The following SGCG variants were observed in gnomAD, a reference collection of about 807,000 sequenced individuals.
SGCG encodes the protein gamma-sarcoglycan.
A neutral mutation model predicts 29.3 loss-of-function variants in SGCG; 26 were observed. The observed-to-expected ratio is 0.89, with a 90% CI of 0.65 to 1.23. The LOEUF is 1.23. SGCG is among the 50% of genes most tolerant of loss of function. SGCG has a pLI of 0.00. For missense variants in SGCG, 353 were observed against 356.0 expected (o/e 0.99, Z 0.07); for synonymous variants, 145 against 129.7 (o/e 1.12, Z -0.80).
At chr13:23,258,693 A>G (rs969000201) in intron 4 of SGCG, among the ~76,000 whole-genome samples, 9 of 152,180 alleles carry the variant, frequency 5.9e-5, no homozygotes, top group Non-Finnish European at 1.2e-4. Flanking sequence ...TTTGTCATAA[A>G]TAGCTCTTAT....
the SGCG span, among the ~76,000 whole-genome samples, chr13:23,174,072 A>G: frequency 1.3e-5 from 2 of 152,196 alleles, no homozygotes; most frequent in African/African-American, 4.8e-5. Flanking sequence ...TTCAGACACC[A>G]AAAGTGTCAG....
intron 7 of SGCG, among the ~76,000 whole-genome samples, chr13:23,322,341 G>A (rs1043509163): frequency 3.9e-5 from 6 of 152,208 alleles, no homozygotes; most frequent in South Asian, 2.1e-4. Context: ...CAGTAGCAGC[G>A]AGCTGGACTG....
intron 4 of SGCG, among the ~76,000 whole-genome samples, chr13:23,261,184 A>G (rs534163203): frequency 2.0e-4 from 31 of 152,220 alleles, no homozygotes; most frequent in Non-Finnish European, 3.7e-4. Flanking sequence ...AATCAAACGT[A>G]GATTTGATCT....
chr13:23,286,638 C>T (rs896681615), intron 5 of SGCG, among the ~76,000 whole-genome samples: 17 of 152,096 alleles, frequency 1.1e-4, no homozygotes, highest in Non-Finnish European at 1.8e-4. Flanking sequence ...TGATAAAGTT[C>T]GGTTTATAAA....
intron 3 of SGCG, among the ~76,000 whole-genome samples, chr13:23,242,197 GA>G (rs1469539500): frequency 6.6e-6 from 1 of 152,116 alleles, no homozygotes; most frequent in African/African-American, 2.4e-5. Context: ...CAGAATTCTT[GA>G]TATAGGATTG....
At chr13:23,231,330 T>TC (rs1491165405) in intron 2 of SGCG, among the ~76,000 whole-genome samples, 2 of 31,438 alleles carry the variant, frequency 6.4e-5, no homozygotes, top group Admixed American at 3.4e-4. Context: ...CCTCTTTCTC[T>TC]TTTTTTTTTT....
intron 4 of SGCG, among the ~76,000 whole-genome samples, chr13:23,270,973 G>T (rs1008539664): frequency 1.3e-5 from 2 of 152,184 alleles, no homozygotes; most frequent in African/African-American, 4.8e-5. Flanking sequence ...TGTAATCCCA[G>T]CACTTTCAGA....
At chr13:23,175,942 T>C in the SGCG span, among the ~76,000 whole-genome samples, 2 of 152,158 alleles carry the variant, frequency 1.3e-5, no homozygotes, top group Non-Finnish European at 2.9e-5. Context: ...AGTTTTCAGT[T>C]GAACATAAAA....
the SGCG span, among the ~76,000 whole-genome samples, chr13:23,171,990 C>T: frequency 1.1e-4 from 17 of 152,156 alleles, no homozygotes; most frequent in Admixed American, 3.3e-4. Flanking sequence ...AGACCCATAC[C>T]GTATAATTGA....
At chr13:23,209,813 A>G (rs1485192050) in intron 2 of SGCG, among the ~76,000 whole-genome samples, 2 of 152,248 alleles carry the variant, frequency 1.3e-5, no homozygotes, top group Non-Finnish European at 2.9e-5. Context: ...TCTCTTCATA[A>G]ATCAAAAAGC....
Position 23,228,588 on chromosome 13 carries a change from CTTGT to C in SGCG, c.196-6016_196-6013del, listed in dbSNP as rs370542005. ...ACAGTACCTGATAGTTTTTTGTTTG[CTTGT>C]TTGTTTTTTGAACCTCTCCCTCCTC... is the stretch of plus-strand genomic sequence containing the variant. On this transcript the variant is annotated intron_variant, in intron 2 of 7. Coordinates refer to ENST00000218867, the MANE Select transcript of SGCG (RefSeq NM_000231.3). Among the ~76,000 whole-genome samples, 65 of 152,096 alleles carry C rather than the reference CTTGT, an allele frequency of 4.3e-4. 2 individuals carry two copies. The East Asian group carries it at 0.012, about 28-fold the overall frequency.
intron 6 of SGCG, among the ~76,000 whole-genome samples, chr13:23,300,573 T>C (rs1471169623): frequency 6.6e-6 from 1 of 151,910 alleles, no homozygotes; most frequent in South Asian, 2.1e-4. Flanking sequence ...GGTTGAAAAA[T>C]TACCCACAAG....
chr13:23,198,738 C>T (rs559348181), intron 1 of SGCG, among the ~76,000 whole-genome samples: 5 of 151,126 alleles, frequency 3.3e-5, no homozygotes, highest in Non-Finnish European at 7.4e-5. Flanking sequence ...CCCAGCTACT[C>T]AGGAGGCTGA....
At position 23,281,341 on chromosome 13, in the gene SGCG, G is replaced by GTAATAA. The variant is rs57723057; in HGVS notation, c.505+1902_505+1907dup. The stretch of plus-strand genomic sequence containing the variant: ...GGCAACAGAGTGAGACCGTGTCTCA[G>GTAATAA]TAATAATAATAATAATAATAATAAT... On this transcript the variant is annotated intron_variant, in intron 5 of 7. Transcript: ENST00000218867. Among the ~76,000 whole-genome samples the GTAATAA allele has an allele frequency of 7.0e-4, 102 of 146,622 alleles. 1 individual carries two copies. Among genetic ancestry groups the GTAATAA allele is most frequent in the African/African-American group, 2.2e-3 (87 of 39,186 alleles).
chr13:23,320,599 T>G, intron 6 of SGCG, 38 bp from the exon 7 acceptor site: 1 of 1,266,164 alleles, frequency 7.9e-7, no homozygotes. Flanking sequence ...TTTTAATACT[T>G]TTTTTTTTTT....
At chr13:23,305,499 G>C (rs1304325687) in intron 6 of SGCG, among the ~76,000 whole-genome samples, 1 of 152,166 alleles carries the variant, frequency 6.6e-6, no homozygotes, top group Non-Finnish European at 1.5e-5. Flanking sequence ...TATTTTCCAA[G>C]TATAATATCT....
intron 5 of SGCG, among the ~76,000 whole-genome samples, chr13:23,282,615 G>C (rs1007098468): frequency 2.6e-5 from 4 of 152,138 alleles, no homozygotes; most frequent in African/African-American, 9.7e-5. Context: ...AGTTTGCTAA[G>C]GATAATAGTC....
the SGCG span, among the ~76,000 whole-genome samples, chr13:23,162,855 A>G: frequency 6.6e-6 from 1 of 152,088 alleles, no homozygotes; most frequent in South Asian, 2.1e-4. Context: ...AATAATAAAT[A>G]AATAAATAAT....
chr13:23,310,105 T>TA (rs1882513019), intron 6 of SGCG, among the ~76,000 whole-genome samples: 1 of 81,112 alleles, frequency 1.2e-5, no homozygotes, highest in South Asian at 4.4e-4. Context: ...TTTTTTTTTT[T>TA]AGACGGAGTC....
Sources: allele counts gnomAD v4.1 joint callset (sites outside exome capture counted in the v4.1 genomes callset), GRCh38; gene constraint gnomAD v4.1.1; transcripts MANE v1.5; gene names NCBI Gene and HGNC (gene_info 2026-07-23, HGNC 2026-07-21).